Variants in WWOX observed in about 807,000 individuals in gnomAD.
WWOX encodes WW domain containing oxidoreductase, also known as WW domain-containing oxidoreductase.
In WWOX, 69 loss-of-function variants were observed where a neutral mutation model predicts 46.2. The observed-to-expected ratio is 1.49, with a 90% CI of 1.23 to 1.82. WWOX has a LOEUF of 1.82. WWOX is among the 40% of genes most tolerant of loss of function. The pLI is 0.00. For missense variants in WWOX, 919 were observed against 542.6 expected, an observed-to-expected ratio of 1.69 and a Z score of -6.89; for synonymous variants, 359 against 202.6, an observed-to-expected ratio of 1.77 and a Z score of -6.56.
intron 8 of WWOX, among the ~76,000 whole-genome samples, chr16:78,870,628 A>C (rs1377717093): frequency 2.6e-5 from 4 of 152,054 alleles, no homozygotes; most frequent in African/African-American, 9.7e-5. Context: ...TGGAGACGGA[A>C]TCTCACTCTG....
At chr16:78,663,768 C>A (rs376296432) in intron 8 of WWOX, among the ~76,000 whole-genome samples, 1 of 152,122 alleles carries the variant, frequency 6.6e-6, no homozygotes, top group Admixed American at 6.5e-5. Flanking sequence ...GACATTTGAA[C>A]TACACCCTGA....
chr16:78,415,278 G>A (rs118099983), intron 6 of WWOX, among the ~76,000 whole-genome samples: 3,869 of 152,126 alleles, frequency 0.025, 47 homozygotes, highest in African/African-American at 0.03. Context: ...TGGTGGGAGT[G>A]TCTCTTAGCG....
rs561291457 is a variant in WWOX, at chr16:78,548,235, T to C, written c.1056+115483T>C. 3.2e-4 allele frequency among the ~76,000 whole-genome samples: 49 copies of C among 152,076 alleles called. No homozygotes were observed. In the South Asian group the frequency reaches 8.1e-3, roughly 25 times the overall value. On this transcript the variant is annotated intron_variant, in intron 8 of 8. Coordinates refer to ENST00000566780, the MANE Select transcript of WWOX (RefSeq NM_016373.4). ...TCCGTAGTACTGATGTGGATATGAT[T>C]TGAGCTAAGACTCTGCTGTTGATTC...
chr16:78,544,430 G>C (rs1448047966), intron 8 of WWOX, among the ~76,000 whole-genome samples: 2 of 152,196 alleles, frequency 1.3e-5, no homozygotes, highest in Non-Finnish European at 2.9e-5. Context: ...TAAGTAGTCA[G>C]TTCCTCATTT....
intron 8 of WWOX, among the ~76,000 whole-genome samples, chr16:79,021,296 A>G (rs147440534): frequency 7.9e-5 from 12 of 152,132 alleles, no homozygotes; most frequent in Admixed American, 6.5e-5. Context: ...GGCACGCAGG[A>G]TGCAAGATTA....
At position 78,430,913 on chromosome 16, in the gene WWOX, G is replaced by T. The variant is rs375665455; in HGVS notation, c.792-1575G>T. 2.2e-4 allele frequency among the ~76,000 whole-genome samples: 33 copies of T among 152,220 alleles called. No individual in the cohort carries two copies. The East Asian group carries it at 4.6e-3, about 21-fold the overall frequency. Reference sequence around the variant, plus strand: ...CCCAACCTGAGCTGCTGATATTAAGGAATAATAGGATAATTCCATAATTTT... The same window carrying T: ...CCCAACCTGAGCTGCTGATATTAAGTAATAATAGGATAATTCCATAATTTT... On this transcript the variant is annotated intron_variant, in intron 7 of 8. Coordinates refer to ENST00000566780, the MANE Select transcript of WWOX (RefSeq NM_016373.4).
intron 8 of WWOX, among the ~76,000 whole-genome samples, chr16:78,462,457 C>A (rs958108361): frequency 3.3e-5 from 5 of 152,166 alleles, no homozygotes; most frequent in African/African-American, 1.2e-4. Flanking sequence ...GGAAACTGCA[C>A]TCACACTGCT....
intron 8 of WWOX, among the ~76,000 whole-genome samples, chr16:78,602,415 G>A (rs1045257266): frequency 2.6e-5 from 4 of 152,054 alleles, no homozygotes; most frequent in East Asian, 1.9e-4. Context: ...TATATTTTTA[G>A]TGGAGACGGG....
chr16:78,635,820 A>T (rs950651395), intron 8 of WWOX, among the ~76,000 whole-genome samples: 8 of 152,168 alleles, frequency 5.3e-5, no homozygotes, highest in African/African-American at 1.9e-4. Context: ...GCGTGCCCAA[A>T]TCTCAGAAGT....
chr16:79,165,231 C>T (rs181042024), intron 8 of WWOX, among the ~76,000 whole-genome samples: 1 of 151,844 alleles, frequency 6.6e-6, no homozygotes, highest in East Asian at 1.9e-4. Context: ...ACCTCATATA[C>T]TCATGGTAAC....
intron 5 of WWOX, among the ~76,000 whole-genome samples, chr16:78,363,458 T>G (rs1015227176): frequency 2.0e-5 from 3 of 152,000 alleles, no homozygotes; most frequent in African/African-American, 7.3e-5. Flanking sequence ...AAAAAAAATT[T>G]TGTAGTGACA....
At chr16:78,178,430 G>A (rs1359261592) in intron 5 of WWOX, among the ~76,000 whole-genome samples, 4 of 152,220 alleles carry the variant, frequency 2.6e-5, no homozygotes, top group Non-Finnish European at 5.9e-5. Flanking sequence ...ATTCTAGAGC[G>A]TCTTTCATCT....
intron 8 of WWOX, among the ~76,000 whole-genome samples, chr16:78,835,755 T>C (rs1554980): frequency 0.49 from 74,944 of 151,926 alleles, 18,697 homozygotes; most frequent in Non-Finnish European, 0.54. Flanking sequence ...ACGAAAACAA[T>C]AACAACAAAA....
intron 8 of WWOX, among the ~76,000 whole-genome samples, chr16:79,051,308 G>C (rs2048163071): frequency 6.6e-6 from 1 of 152,172 alleles, no homozygotes; most frequent in African/African-American, 2.4e-5. Flanking sequence ...TAAAACCTAA[G>C]TGTGCAATGC....
At chr16:78,351,926 G>A (rs1363072922) in intron 5 of WWOX, among the ~76,000 whole-genome samples, 3 of 152,160 alleles carry the variant, frequency 2.0e-5, no homozygotes, top group Non-Finnish European at 2.9e-5. Context: ...CAAAGTGCTG[G>A]GATTATAGGC....
rs192004748 is a variant in WWOX, at chr16:78,658,341, A to T, written c.1056+225589A>T. Among the ~76,000 whole-genome samples the T allele has an allele frequency of 3.0e-3, 463 of 152,352 alleles. 2 individuals carry two copies. Among genetic ancestry groups the T allele is most frequent in the African/African-American group, 0.011 (441 of 41,586 alleles). On this transcript the variant is annotated intron_variant, in intron 8 of 8. Transcript: ENST00000566780. ...AACTACTACTTTACTAATGGTCATT[A>T]TGTGCCATGCCCTGCTCTAAACACT...
At chr16:78,649,579 T>C (rs1436327066) in intron 8 of WWOX, among the ~76,000 whole-genome samples, 1 of 152,204 alleles carries the variant, frequency 6.6e-6, no homozygotes, top group African/African-American at 2.4e-5. Context: ...CCCAGGCTCT[T>C]CCCCCGTTTG....
Position 78,367,752 on chromosome 16 carries a change from C to CT in WWOX, c.517-19096dup, listed in dbSNP as rs555870901. On this transcript the variant is annotated intron_variant, in intron 5 of 8. Transcript: ENST00000566780. Reference sequence around the variant, plus strand: ...ACTACCATCCCATTTGGGCCAACCTCTTTTTTTTTTTTCTTTTTGTTTCGA... The same window carrying CT: ...ACTACCATCCCATTTGGGCCAACCTCTTTTTTTTTTTTTCTTTTTGTTTCGA... Among the ~76,000 whole-genome samples the CT allele has an allele frequency of 2.6e-3, 372 of 145,430 alleles. 3 individuals carry two copies. Among genetic ancestry groups the CT allele is most frequent in the Non-Finnish European group, 3.7e-3 (245 of 65,676 alleles).
intron 5 of WWOX, among the ~76,000 whole-genome samples, chr16:78,321,976 G>T (rs780354255): frequency 6.6e-6 from 1 of 152,214 alleles, no homozygotes; most frequent in Non-Finnish European, 1.5e-5. Flanking sequence ...GCAGAGACAG[G>T]TTGTGGATGG....
Sources: gnomAD v4.1 joint callset for allele counts (sites outside exome capture counted in the v4.1 genomes callset) on GRCh38, gnomAD v4.1.1 for gene constraint, MANE v1.5 for transcripts, NCBI Gene and HGNC (gene_info 2026-07-23, HGNC 2026-07-21) for gene names.